LMLN: variants seen among roughly 807,000 people sequenced by gnomAD.
LMLN encodes leishmanolysin-like peptidase.
LMLN carries 70 observed loss-of-function variants against 92.3 expected under a neutral mutation model. The observed-to-expected ratio is 0.76, with a 90% confidence interval of 0.63 to 0.92. The LOEUF (loss-of-function observed/expected upper bound fraction) is 0.92. Ranked by LOEUF, LMLN falls within the 40% of genes least tolerant of loss-of-function variation. The pLI, the probability that LMLN is intolerant of heterozygous loss-of-function variation, is 0.00. For synonymous variants in LMLN, 308 were observed against 296.2 expected, an observed-to-expected ratio of 1.04 and a Z score of -0.41; for missense variants, 691 against 814.6, an observed-to-expected ratio of 0.85 and a Z score of 1.85.
At chr3:197,971,315 G>C (rs1721217569) in intron 1 of LMLN, among the ~76,000 whole-genome samples, 1 of 152,178 alleles carries the variant, frequency 6.6e-6, no homozygotes, top group South Asian at 2.1e-4. Flanking sequence ...CATGGTGGCA[G>C]GAGAGAGAAG....
At chr3:198,026,890 GATA>G (rs1722947571) in intron 14 of LMLN, among the ~76,000 whole-genome samples, 1 of 152,204 alleles carries the variant, frequency 6.6e-6, no homozygotes, top group African/African-American at 2.4e-5. Context: ...GATTGTCATT[GATA>G]ATAACATTTG....
chr3:198,022,470 AT>A (rs1722809725), intron 13 of LMLN, among the ~76,000 whole-genome samples: 1 of 152,222 alleles, frequency 6.6e-6, no homozygotes, highest in South Asian at 2.1e-4. Flanking sequence ...AGGCATTTAC[AT>A]TCTAAATTTT....
chr3:197,999,606 A>C, intron 11 of LMLN: 1 of 379,784 alleles, frequency 2.6e-6, no homozygotes, highest in South Asian at 3.6e-5. Flanking sequence ...TGGACTCACT[A>C]ATCCTGGACT....
In LMLN at chr3:197,995,268, A is replaced by ACTCAC. The variant is rs565376935; in HGVS notation, c.1048-907_1048-906insCTCAC. ...ATACATACAATATACAATATATGTG[A>ACTCAC]GAATTGACTGTGCAGTTACTGGTAA... On this transcript the variant is annotated intron_variant, in intron 9 of 15. Transcript: ENST00000330198. Among the ~76,000 whole-genome samples the ACTCAC allele has an allele frequency of 5.3e-3, 811 of 152,340 alleles. 6 individuals are homozygous for ACTCAC. Among genetic ancestry groups the ACTCAC allele is most frequent in the African/African-American group, 0.019 (773 of 41,578 alleles).
chr3:198,043,548 G>C (rs1182205491), exon 16 of LMLN: 1 of 152,612 alleles, frequency 6.6e-6, no homozygotes, highest in Non-Finnish European at 1.5e-5. Context: ...TTACCTGAGA[G>C]GAGTAATATT....
At chr3:198,033,839 T>C (rs1043882373) in intron 14 of LMLN, among the ~76,000 whole-genome samples, 5 of 152,270 alleles carry the variant, frequency 3.3e-5, no homozygotes, top group African/African-American at 4.8e-5. Context: ...AGAATAATGA[T>C]GTTGCACTGT....
chr3:197,968,608 A>C (rs1195184701), intron 1 of LMLN, among the ~76,000 whole-genome samples: 1 of 152,154 alleles, frequency 6.6e-6, no homozygotes, highest in Admixed American at 6.5e-5. Context: ...TCCATATTAA[A>C]ATGAAATCTT....
intron 14 of LMLN, among the ~76,000 whole-genome samples, chr3:198,035,386 C>T (rs7648542): frequency 0.07 from 8,855 of 125,646 alleles, 329 homozygotes; most frequent in African/African-American, 0.12. Flanking sequence ...TTTTTTGACA[C>T]GGAGTCTCGC....
intron 10 of LMLN, among the ~76,000 whole-genome samples, chr3:197,997,534 A>G (rs1270434979): frequency 1.3e-5 from 2 of 152,246 alleles, no homozygotes; most frequent in Non-Finnish European, 2.9e-5. Context: ...TAAAGTGTAC[A>G]TAGACTTGTG....
At chr3:198,012,220 A>G (rs1722464932) in intron 11 of LMLN, among the ~76,000 whole-genome samples, 1 of 152,046 alleles carries the variant, frequency 6.6e-6, no homozygotes, top group African/African-American at 2.4e-5. Context: ...GCCCACCACC[A>G]TGCCCGGCTA....
Position 197,980,521 on chromosome 3 carries a change from G to T in LMLN, c.728+17G>T, listed in dbSNP as rs1721527260. 6.2e-7 allele frequency: 1 copy of T among 1,604,270 alleles called. No homozygotes were observed. Among genetic ancestry groups the T allele is most frequent in the African/African-American group, 1.3e-5 (1 of 74,594 alleles). ...CATGGACAGGTAATCTTTCCTCCGG[G>T]ACTTAGTTTCCAAGATCTAATGTGG... On this transcript the variant is annotated intron_variant, in intron 6 of 15. Transcript: ENST00000330198.
chr3:197,974,710 A>G (rs1721320219), intron 2 of LMLN, among the ~76,000 whole-genome samples: 4 of 152,220 alleles, frequency 2.6e-5, no homozygotes, highest in Admixed American at 6.5e-5. Context: ...TCAATCATGA[A>G]TAATTTAAAC....
At chr3:198,033,909 A>C (rs1273788435) in intron 14 of LMLN, among the ~76,000 whole-genome samples, 1 of 152,214 alleles carries the variant, frequency 6.6e-6, no homozygotes, top group African/African-American at 2.4e-5. Flanking sequence ...GTCACACTTC[A>C]TTGTTTGTTT....
intron 1 of LMLN, among the ~76,000 whole-genome samples, chr3:197,968,015 T>C (rs1241293867): frequency 6.6e-6 from 1 of 152,236 alleles, no homozygotes; most frequent in Non-Finnish European, 1.5e-5. Flanking sequence ...TATTCTGTTC[T>C]TTTTCAAGGT....
At chr3:198,029,888 G>T (rs1313813802) in intron 14 of LMLN, among the ~76,000 whole-genome samples, 5 of 151,960 alleles carry the variant, frequency 3.3e-5, no homozygotes. Flanking sequence ...CTCCCAGGCT[G>T]GAGTGCAGGT....
chr3:197,971,519 C>G (rs913276913), intron 1 of LMLN, among the ~76,000 whole-genome samples: 9 of 152,188 alleles, frequency 5.9e-5, no homozygotes, highest in Non-Finnish European at 1.2e-4. Context: ...TTGTTTTTCT[C>G]TCATTGCTTT....
chr3:197,963,779 C>T (rs553928721), intron 1 of LMLN, among the ~76,000 whole-genome samples: 4 of 152,250 alleles, frequency 2.6e-5, no homozygotes, highest in South Asian at 4.1e-4. Flanking sequence ...TGTATTTTTT[C>T]CCCCTTATTG....
chr3:198,035,808 A>T, intron 14 of LMLN, 25 bp from the exon 16 acceptor site: 2 of 1,510,430 alleles, frequency 1.3e-6, no homozygotes, highest in African/African-American at 1.4e-5. Context: ...TTATTTTTAT[A>T]TATCTATTTT....
At chr3:198,003,084 C>G (rs1722219826) in intron 11 of LMLN, 1 of 1,551,326 alleles carries the variant, frequency 6.4e-7, no homozygotes, top group East Asian at 2.4e-5. Flanking sequence ...GTGACTTTGT[C>G]AGGAAGAGCT....
Sources: gnomAD v4.1 joint callset for allele counts (sites outside exome capture counted in the v4.1 genomes callset) on GRCh38, gnomAD v4.1.1 for gene constraint, MANE v1.5 for transcripts, NCBI Gene and HGNC (gene_info 2026-07-23, HGNC 2026-07-21) for gene names.